Variants in NLGN1 observed in about 807,000 individuals in gnomAD.
The protein encoded by NLGN1 is neuroligin 1.
NLGN1 carries 12 observed loss-of-function variants against 65.5 expected under a neutral mutation model. The ratio of observed to expected loss-of-function variants is 0.18; its 90% CI spans 0.12 to 0.30. The LOEUF is 0.30. Ranked by LOEUF, NLGN1 falls within the 10% of genes least tolerant of loss-of-function variation. The pLI is 1.00. For synonymous variants in NLGN1, 350 were observed against 359.5 expected (o/e 0.97, Z 0.30); for missense variants, 750 against 1,007.1 (o/e 0.74, Z 3.46).
chr3:173,686,957 A>C lies in NLGN1; in HGVS notation c.493+81866A>C, dbSNP rs566207488. ...GACAGAGCAAGACTCCGTCCCAAAG[A>C]CAAAAAAAAAAAAGATACTTGTGAA... On this transcript the variant is annotated intron_variant, in intron 3 of 6. Coordinates refer to ENST00000457714, the Ensembl canonical transcript of NLGN1. 2.0e-5 allele frequency among the ~76,000 whole-genome samples: 3 copies of C among 151,214 alleles called. No homozygotes were observed. In the East Asian group the frequency reaches 5.8e-4, roughly 29 times the overall value.
intron 2 of NLGN1, among the ~76,000 whole-genome samples, chr3:173,484,486 C>T (rs957963172): frequency 5.3e-5 from 8 of 151,766 alleles, no homozygotes; most frequent in Non-Finnish European, 5.9e-5. Flanking sequence ...TTAAAGGGCC[C>T]GCAAGCAAAG....
At chr3:174,231,663 A>C (rs1158227184) in intron 4 of NLGN1, among the ~76,000 whole-genome samples, 3 of 152,130 alleles carry the variant, frequency 2.0e-5, no homozygotes, top group Non-Finnish European at 4.4e-5. Flanking sequence ...GCCCTTTTCC[A>C]AATCTGAATG....
intron 3 of NLGN1, among the ~76,000 whole-genome samples, chr3:173,708,296 A>T (rs1768373492): frequency 6.6e-6 from 1 of 152,132 alleles, no homozygotes; most frequent in South Asian, 2.1e-4. Flanking sequence ...CCTGCATCCG[A>T]CCTTGGCTGA....
intron 2 of NLGN1, among the ~76,000 whole-genome samples, chr3:173,552,150 C>T (rs1396357125): frequency 6.6e-6 from 1 of 152,132 alleles, no homozygotes; most frequent in Non-Finnish European, 1.5e-5. Flanking sequence ...GCCTAATCCC[C>T]TGGAGGAGAA....
At chr3:173,740,648 T>C (rs1774498776) in intron 3 of NLGN1, among the ~76,000 whole-genome samples, 1 of 151,856 alleles carries the variant, frequency 6.6e-6, no homozygotes, top group Non-Finnish European at 1.5e-5. Context: ...GTTTAGAAAG[T>C]TGAGAATATG....
In NLGN1 at chr3:174,280,524, A is replaced by G; in HGVS notation, c.1693A>G (p.Thr565Ala). ...CCCTCAAGACACGAAATTCATTCAT[A>G]CCAAACCCAACCGTTTTGAAGAAGT... Residue 565 changes from threonine (T) to alanine (A), a missense_variant, in exon 7 of 7, where the codon ACC becomes GCC. Physicochemically the swap from Thr to Ala is moderately conservative, Grantham distance 58. Coordinates refer to ENST00000457714, the Ensembl canonical transcript of NLGN1. The surrounding 1 kb of genome is among the most constrained non-coding windows in gnomAD (Gnocchi z 4.9). The G allele has an allele frequency of 6.2e-7, 1 of 1,612,772 alleles. No individual in the cohort carries two copies. The highest frequency in any genetic ancestry group is 1.1e-5 in the South Asian group (1 of 90,996).
intron 4 of NLGN1, among the ~76,000 whole-genome samples, chr3:174,139,808 A>G (rs550035914): frequency 1.1e-4 from 17 of 152,260 alleles, no homozygotes; most frequent in African/African-American, 3.9e-4. Flanking sequence ...GGCCATTCTA[A>G]TAGATATGTA....
intron 4 of NLGN1, among the ~76,000 whole-genome samples, chr3:174,197,751 C>CGTGTGTGTGTGTGTGTGTGTGT (rs71162378): frequency 4.0e-4 from 56 of 141,734 alleles, no homozygotes; most frequent in African/African-American, 1.1e-3. Context: ...CCCATTATCT[C>CGTGTGTGTGTGTGTGTGTGTGT]GTGTGTGTGT....
chr3:173,721,299 A>C (rs146748412), intron 3 of NLGN1, among the ~76,000 whole-genome samples: 71 of 152,374 alleles, frequency 4.7e-4, no homozygotes, highest in Middle Eastern at 3.4e-3. Context: ...CAAAAAGTAC[A>C]TCACAAAATT....
At position 174,192,262 on chromosome 3, in the gene NLGN1, T is replaced by G. The variant is rs557218431; in HGVS notation, c.647-83053T>G. ...ATTTTAACTTAAAAAATTCAAAATATTAAACATAAAACTCATTTACTCTAA... is the reference window on the plus strand; with the variant it reads ...ATTTTAACTTAAAAAATTCAAAATAGTAAACATAAAACTCATTTACTCTAA... On this transcript the variant is annotated intron_variant, in intron 4 of 6. Transcript: ENST00000457714. Among the ~76,000 whole-genome samples the G allele has an allele frequency of 5.8e-4, 88 of 152,244 alleles. 1 individual carries two copies. Among genetic ancestry groups the G allele is most frequent in the Admixed American group, 1.8e-3 (28 of 15,284 alleles).
intron 4 of NLGN1, among the ~76,000 whole-genome samples, chr3:173,881,296 A>G (rs781227399): frequency 6.6e-6 from 1 of 150,640 alleles, no homozygotes; most frequent in Non-Finnish European, 1.5e-5. Context: ...ACGAGGGTTC[A>G]CCATGTTGGC....
intron 4 of NLGN1, among the ~76,000 whole-genome samples, chr3:173,925,017 C>A (rs1742760121): frequency 6.6e-6 from 1 of 151,972 alleles, no homozygotes; most frequent in South Asian, 2.1e-4. Flanking sequence ...TCTTTGGCAT[C>A]TTGATATTCT....
chr3:173,802,404 G>A (rs901933501), intron 3 of NLGN1, among the ~76,000 whole-genome samples: 3 of 152,088 alleles, frequency 2.0e-5, no homozygotes, highest in East Asian at 3.8e-4. Flanking sequence ...ACTCAAAAGC[G>A]TAGAATGTCA....
chr3:173,491,581 C>T (rs1729172188), intron 2 of NLGN1, among the ~76,000 whole-genome samples: 1 of 151,612 alleles, frequency 6.6e-6, no homozygotes, highest in African/African-American at 2.4e-5. Context: ...ATCTGCCAGG[C>T]TTTGGTGTTA....
intron 2 of NLGN1, among the ~76,000 whole-genome samples, chr3:173,441,373 T>A (rs1719171418): frequency 1.3e-5 from 2 of 152,220 alleles, no homozygotes; most frequent in African/African-American, 2.4e-5. Context: ...CCCTAGCTTT[T>A]GGCCTATTTT....
intron 3 of NLGN1, among the ~76,000 whole-genome samples, chr3:173,619,201 A>T (rs1753609071): frequency 6.6e-6 from 1 of 152,168 alleles, no homozygotes; most frequent in African/African-American, 2.4e-5. Flanking sequence ...GTGCACACTG[A>T]ATAATTAGAT....
At chr3:173,456,983 G>C (rs1421991372) in intron 2 of NLGN1, among the ~76,000 whole-genome samples, 2 of 152,072 alleles carry the variant, frequency 1.3e-5, no homozygotes, top group Non-Finnish European at 2.9e-5. Flanking sequence ...GAGAACCATG[G>C]GAGGGTGATA....
chr3:173,668,190 A>C (rs1187082689), intron 3 of NLGN1, among the ~76,000 whole-genome samples: 1 of 152,150 alleles, frequency 6.6e-6, no homozygotes, highest in Non-Finnish European at 1.5e-5. Context: ...AGTGATCAAA[A>C]TTTCCTTAGG....
chr3:173,559,695 C>A (rs898321288), intron 2 of NLGN1, among the ~76,000 whole-genome samples: 3 of 151,868 alleles, frequency 2.0e-5, no homozygotes, highest in Admixed American at 1.3e-4. Flanking sequence ...AAATAGAAGT[C>A]GAGATATAAC....
Sources: gnomAD v4.1 joint callset for allele counts (sites outside exome capture counted in the v4.1 genomes callset) on GRCh38, gnomAD v4.1.1 for gene constraint, Gnocchi (gnomAD v3.1) non-coding constraint, MANE v1.5 for transcripts, NCBI Gene and HGNC (gene_info 2026-07-23, HGNC 2026-07-21) for gene names.